TRIM16: variants seen among roughly 807,000 people sequenced by gnomAD.
TRIM16 encodes the protein tripartite motif containing 16, also known as tripartite motif-containing protein 16.
In TRIM16, 33 loss-of-function variants were observed where a neutral mutation model predicts 50.4. The ratio of observed to expected loss-of-function variants is 0.65; its 90% CI spans 0.50 to 0.88. The LOEUF (loss-of-function observed/expected upper bound fraction) is 0.88, where lower values mean the gene tolerates loss of function less well. Ranked by LOEUF, TRIM16 falls within the 40% of genes least tolerant of loss-of-function variation. The pLI is 0.00. For missense variants in TRIM16, 581 were observed against 686.8 expected (o/e 0.85, Z 1.72); for synonymous variants, 229 against 270.7 (o/e 0.85, Z 1.51).
chr17:15,670,349 A>G (rs1480603295), intron 6 of TRIM16, among the ~76,000 whole-genome samples: 3 of 152,164 alleles, frequency 2.0e-5, no homozygotes, highest in Admixed American at 2.0e-4. Context: ...TCCAGTCAAT[A>G]ACTACCACTA....
chr17:15,656,073 C>T (rs1987966871), intron 6 of TRIM16, among the ~76,000 whole-genome samples: 1 of 152,050 alleles, frequency 6.6e-6, no homozygotes, highest in Admixed American at 6.5e-5. Context: ...GGAGTGGTGG[C>T]CCCTCTGGAG....
At chr17:15,683,757 T>C (rs1022842084) in intron 1 of TRIM16, 4 of 152,732 alleles carry the variant, frequency 2.6e-5, no homozygotes, top group Non-Finnish European at 5.8e-5. Flanking sequence ...ATCAGAGCAA[T>C]ACCACTCTCT....
At chr17:15,652,318 C>CTTT (rs371423949) in intron 6 of TRIM16, among the ~76,000 whole-genome samples, 1 of 136,492 alleles carries the variant, frequency 7.3e-6, no homozygotes, top group Admixed American at 7.3e-5. Flanking sequence ...CGGCTAATTT[C>CTTT]TTTTTTTTTT....
intron 3 of TRIM16, 97 bp downstream of exon 3, chr17:15,682,757 T>C: frequency 8.5e-7 from 1 of 1,177,844 alleles, no homozygotes; most frequent in Non-Finnish European, 1.1e-6. Flanking sequence ...GCAGGTGGTA[T>C]AATGGAAAGA....
At chr17:15,658,777 C>G (rs1988087179) in intron 6 of TRIM16, 5 of 984,976 alleles carry the variant, frequency 5.1e-6, no homozygotes, top group African/African-American at 1.7e-5. Flanking sequence ...CCTCTAGAAA[C>G]CAGCCCAGAA....
At chr17:15,655,177 CT>C (rs1987915334) in intron 6 of TRIM16, among the ~76,000 whole-genome samples, 1 of 152,104 alleles carries the variant, frequency 6.6e-6, no homozygotes, top group Non-Finnish European at 1.5e-5. Context: ...CTTTTAATCC[CT>C]TTTTCAGAGT....
intron 6 of TRIM16, among the ~76,000 whole-genome samples, chr17:15,662,722 T>C (rs897088440): frequency 1.3e-5 from 2 of 152,220 alleles, no homozygotes; most frequent in Non-Finnish European, 2.9e-5. Flanking sequence ...AAGCAGGGAA[T>C]ACATTATCTA....
At chr17:15,657,059 T>C (rs369773107) in intron 6 of TRIM16, among the ~76,000 whole-genome samples, 22 of 152,136 alleles carry the variant, frequency 1.4e-4, no homozygotes, top group African/African-American at 5.3e-4. Flanking sequence ...AGCCACTGCA[T>C]CCAGCCTCTG....
chr17:15,659,966 G>A (rs1215623727), intron 6 of TRIM16, among the ~76,000 whole-genome samples: 1 of 152,236 alleles, frequency 6.6e-6, no homozygotes, highest in East Asian at 1.9e-4. Flanking sequence ...GGCCAGGGCA[G>A]GGCAGGCCGG....
chr17:15,628,572 C>T lies in TRIM16; in HGVS notation c.*43G>A. On this transcript the variant is annotated 3_prime_UTR_variant, in exon 12 of 12. Coordinates refer to ENST00000649191, the MANE Select transcript of TRIM16 (RefSeq NM_001348119.1). Reference sequence around the variant, plus strand: ...CCAAATCACCCTAAAATGCAAATCCCATCACTGTAGCTGGCAAAGGTCTGG... The same window carrying T: ...CCAAATCACCCTAAAATGCAAATCCTATCACTGTAGCTGGCAAAGGTCTGG... 1 of 1,523,068 alleles carries T rather than the reference C, an allele frequency of 6.6e-7. No individual in the cohort carries two copies. Among genetic ancestry groups the T allele is most frequent in the Non-Finnish European group, 8.8e-7 (1 of 1,133,480 alleles). 94.3% of individuals were successfully genotyped at this position (1,523,068 alleles called of 1,614,324 possible).
intron 6 of TRIM16, among the ~76,000 whole-genome samples, chr17:15,675,246 A>G (rs2601978): frequency 1.3e-5 from 2 of 152,198 alleles, no homozygotes; most frequent in African/African-American, 4.8e-5. Flanking sequence ...GAAAATAACC[A>G]GGGTAGGAGA....
In TRIM16 at chr17:15,636,129, C is replaced by T. The variant is rs1468062927; in HGVS notation, c.756G>A (p.Lys252=). ...QAALSQANGI[K]AHLEYRSAEM... ...CGGCACTCCTGTACTCCAGGTGGGC[C>T]TTGATACCGTTGGCCTGGCTCAGCG... The change falls in exon 9 of 12, where the codon AAG becomes AAA. Residue 252 remains lysine, a synonymous_variant. Coordinates refer to ENST00000649191, the MANE Select transcript of TRIM16 (RefSeq NM_001348119.1). 1.3e-5 allele frequency: 21 copies of T among 1,610,048 alleles called. No individual in the cohort carries two copies. Among genetic ancestry groups the T allele is most frequent in the Non-Finnish European group, 1.8e-5 (21 of 1,178,950 alleles).
Position 15,682,855 on chromosome 17 carries a change from A to G in TRIM16, c.-680T>C. 7.0e-7 allele frequency: 1 copy of G among 1,437,210 alleles called. No homozygotes were observed. 89.0% of individuals were successfully genotyped at this position (1,437,210 alleles called of 1,614,324 possible). ...CACCACCATTCTTCGCACACTCACC[A>G]CGCACCAGGTGCTTTCCATAAATCA... is the stretch of plus-strand genomic sequence containing the variant. On this transcript the variant is annotated splice_region_variant and 5_prime_UTR_variant, in exon 3 of 12. Coordinates refer to ENST00000649191, the MANE Select transcript of TRIM16 (RefSeq NM_001348119.1).
chr17:15,628,643 G>A lies in TRIM16; in HGVS notation c.1667C>T (p.Ala556Val). 1 of 1,613,000 alleles carries A rather than the reference G, an allele frequency of 6.2e-7. No homozygotes were observed. Among genetic ancestry groups the A allele is most frequent in the South Asian group, 1.1e-5 (1 of 90,932 alleles). Residue 556 changes from alanine (A) to valine (V), a missense_variant, in exon 12 of 12, where the codon GCA (alanine) becomes GTA (valine). Ala to Val is a moderately conservative substitution (Grantham distance 64). Transcript: ENST00000649191. ...GGGAGCAGTCCCCACCAAGGACGGT[G>A]CTGGCTTCTCGGGTTCCTCTCCCAG... is the stretch of plus-strand genomic sequence containing the variant. ...VDLGEEPEKP[A>V]PSLVGTAP is the part of the protein sequence containing the mutation.
At chr17:15,663,850 T>C (rs976896562) in intron 6 of TRIM16, among the ~76,000 whole-genome samples, 2 of 152,152 alleles carry the variant, frequency 1.3e-5, no homozygotes, top group African/African-American at 2.4e-5. Context: ...CCATGTCTGG[T>C]CAGATGCAGT....
intron 6 of TRIM16, 60 bp from the exon 7 acceptor site, chr17:15,652,006 G>C: frequency 3.8e-6 from 4 of 1,066,222 alleles, no homozygotes; most frequent in Non-Finnish European, 4.5e-6. Flanking sequence ...TGTGTGGTCT[G>C]ACAAGCGACA....
chr17:15,664,567 C>T (rs549313583), intron 6 of TRIM16, among the ~76,000 whole-genome samples: 97 of 152,212 alleles, frequency 6.4e-4, no homozygotes, highest in African/African-American at 2.3e-3. Flanking sequence ...CCACAAGCGC[C>T]CTGTTCTGTT....
At position 15,651,021 on chromosome 17, in the gene TRIM16, C is replaced by G. The variant is rs895650036; in HGVS notation, c.519+70G>C. Reference sequence around the variant, plus strand: ...GTAGTGGCGTCAGTGGACCTAGCAGCTGCAGCCAGCTGGGCACACCATCCC... The same window carrying G: ...GTAGTGGCGTCAGTGGACCTAGCAGGTGCAGCCAGCTGGGCACACCATCCC... On this transcript the variant is annotated intron_variant, in intron 7 of 11. Coordinates refer to ENST00000649191, the MANE Select transcript of TRIM16 (RefSeq NM_001348119.1). 202 of 1,547,068 alleles carry G rather than the reference C, an allele frequency of 1.3e-4. 2 individuals are homozygous for G. The African/African-American group carries it at 2.4e-3, about 18-fold the overall frequency.
At chr17:15,659,452 A>G (rs1389844442) in intron 6 of TRIM16, among the ~76,000 whole-genome samples, 3 of 152,156 alleles carry the variant, frequency 2.0e-5, no homozygotes, top group Non-Finnish European at 4.4e-5. Flanking sequence ...GAATTTGACC[A>G]CATCTCAAAT....
Sources: allele counts gnomAD v4.1 joint callset (sites outside exome capture counted in the v4.1 genomes callset), GRCh38; gene constraint gnomAD v4.1.1; transcripts MANE v1.5; gene names NCBI Gene and HGNC (gene_info 2026-07-23, HGNC 2026-07-21).